ATP10B: variants seen among roughly 807,000 people sequenced by gnomAD.
The protein encoded by ATP10B is ATPase phospholipid transporting 10B (putative), also known as phospholipid-transporting ATPase VB.
A neutral mutation model predicts 141.2 loss-of-function variants in ATP10B; 122 were observed. The ratio of observed to expected loss-of-function variants is 0.86; its 90% confidence interval spans 0.75 to 1.00. The LOEUF (loss-of-function observed/expected upper bound fraction) is 1.00, where lower values mean the gene tolerates loss of function less well. Among genes scored for constraint, ATP10B ranks in the 50% least tolerant of loss-of-function variants. The pLI is 0.00. For synonymous variants in ATP10B, 685 were observed against 692.0 expected, an observed-to-expected ratio of 0.99 and a Z score of 0.16; for missense variants, 1,876 against 1,825.3, an observed-to-expected ratio of 1.03 and a Z score of -0.51.
chr5:160,728,192 C>T (rs559995033), intron 2 of ATP10B, among the ~76,000 whole-genome samples: 5 of 152,178 alleles, frequency 3.3e-5, no homozygotes, highest in Admixed American at 1.3e-4. Flanking sequence ...TAACCATTCA[C>T]CTTACTGCCT....
At chr5:160,697,059 A>G (rs1380057888) in intron 3 of ATP10B, among the ~76,000 whole-genome samples, 1 of 152,240 alleles carries the variant, frequency 6.6e-6, no homozygotes. Context: ...ATTAGAATAC[A>G]AAATGTCCTT....
intron 24 of ATP10B, among the ~76,000 whole-genome samples, chr5:160,586,345 G>A (rs1755896902): frequency 1.3e-5 from 2 of 152,122 alleles, no homozygotes; most frequent in Non-Finnish European, 2.9e-5. Context: ...TCTATAGTGT[G>A]TGTGTGTACC....
chr5:160,687,681 C>T, intron 5 of ATP10B, 119 bp downstream of exon 5: 1 of 1,211,352 alleles, frequency 8.3e-7, no homozygotes, highest in Non-Finnish European at 1.2e-6. Context: ...GGGAGATTCC[C>T]TTGAACCCAG....
In ATP10B at chr5:160,833,488, G is replaced by T. The variant is rs543435951; in HGVS notation, c.-576+18453C>A. ...GAAAGGGATATGCTCTTTTCAAGGA[G>T]TTAATATTTATTTCATCCTGTTTGA... is the stretch of plus-strand genomic sequence containing the variant. On this transcript the variant is annotated intron_variant, in intron 1 of 25. Coordinates refer to ENST00000327245, the MANE Select transcript of ATP10B (RefSeq NM_025153.3). Among the ~76,000 whole-genome samples, 25 of 152,216 alleles carry T rather than the reference G, an allele frequency of 1.6e-4. No homozygotes were observed. The South Asian group carries it at 5.2e-3, about 32-fold the overall frequency.
At chr5:160,733,669 A>ATGTAACGT (rs1766901226) in intron 2 of ATP10B, among the ~76,000 whole-genome samples, 3 of 32,960 alleles carry the variant, frequency 9.1e-5, no homozygotes, top group African/African-American at 6.7e-4. Context: ...GTAACGTTAT[A>ATGTAACGT]TATATATATA....
At chr5:160,659,068 C>T (rs576173411) in intron 7 of ATP10B, among the ~76,000 whole-genome samples, 3 of 152,194 alleles carry the variant, frequency 2.0e-5, no homozygotes, top group South Asian at 2.1e-4. Context: ...AATGTAAATA[C>T]GTTGTCTTGG....
intron 1 of ATP10B, among the ~76,000 whole-genome samples, chr5:160,791,342 C>T (rs1771553828): frequency 6.6e-6 from 1 of 152,110 alleles, no homozygotes; most frequent in Non-Finnish European, 1.5e-5. Context: ...GGTTGAATCT[C>T]TATTCATTGG....
chr5:160,611,199 G>A (rs913159634), intron 18 of ATP10B, among the ~76,000 whole-genome samples: 10 of 152,104 alleles, frequency 6.6e-5, no homozygotes, highest in East Asian at 1.9e-4. Flanking sequence ...AGAAAGATTC[G>A]TCATTGACTG....
intron 3 of ATP10B, among the ~76,000 whole-genome samples, chr5:160,698,338 C>T (rs987486024): frequency 2.0e-5 from 3 of 151,922 alleles, no homozygotes; most frequent in African/African-American, 7.2e-5. Flanking sequence ...TTTTCAAATC[C>T]ATTTTCTTCT....
At chr5:160,882,224 C>T in the ATP10B span, among the ~76,000 whole-genome samples, 2 of 151,998 alleles carry the variant, frequency 1.3e-5, no homozygotes, top group Admixed American at 6.5e-5. Flanking sequence ...AAGTACAATA[C>T]CAAGAGCAAA....
At chr5:160,842,257 G>C (rs1336924855) in intron 1 of ATP10B, among the ~76,000 whole-genome samples, 2 of 152,052 alleles carry the variant, frequency 1.3e-5, no homozygotes, top group African/African-American at 4.8e-5. Context: ...AATCAAAATG[G>C]AAGTTTCTAA....
intron 1 of ATP10B, among the ~76,000 whole-genome samples, chr5:160,787,208 A>T (rs903757801): frequency 6.6e-5 from 10 of 152,158 alleles, no homozygotes; most frequent in African/African-American, 2.4e-4. Context: ...AGATTTCAAG[A>T]TTCACATTAA....
intron 13 of ATP10B, among the ~76,000 whole-genome samples, chr5:160,631,762 TG>T (rs1488720190): frequency 6.6e-6 from 1 of 151,924 alleles, no homozygotes; most frequent in Non-Finnish European, 1.5e-5. Flanking sequence ...AGAAGGTGGG[TG>T]GGGGGCTGTG....
intron 2 of ATP10B, among the ~76,000 whole-genome samples, chr5:160,727,276 C>T (rs985049409): frequency 6.6e-6 from 1 of 152,222 alleles, no homozygotes; most frequent in African/African-American, 2.4e-5. Context: ...GCACCTCTAT[C>T]ATCATTTTCC....
intron 7 of ATP10B, among the ~76,000 whole-genome samples, chr5:160,656,063 A>G (rs1761473262): frequency 6.6e-6 from 1 of 152,146 alleles, no homozygotes; most frequent in Non-Finnish European, 1.5e-5. Context: ...AGAATAGGCC[A>G]TTTCCCTTGC....
At chr5:160,879,282 A>C in the ATP10B span, among the ~76,000 whole-genome samples, 1 of 65,798 alleles carries the variant, frequency 1.5e-5, no homozygotes, top group African/African-American at 5.5e-5. Flanking sequence ...AAACTATCGC[A>C]AGAACAAAAA....
At chr5:160,709,399 T>A (rs1419740587) in intron 3 of ATP10B, among the ~76,000 whole-genome samples, 1 of 151,952 alleles carries the variant, frequency 6.6e-6, no homozygotes. Context: ...CACGAACAGG[T>A]TATTCACAGA....
intron 2 of ATP10B, among the ~76,000 whole-genome samples, chr5:160,767,073 G>A (rs563238796): frequency 3.9e-5 from 6 of 151,950 alleles, no homozygotes; most frequent in Admixed American, 1.3e-4. Context: ...GAATTGTCTT[G>A]GGCCACACAC....
At chr5:160,788,596 GCTGTCAACTCC>G (rs893104301) in intron 1 of ATP10B, among the ~76,000 whole-genome samples, 65 of 152,102 alleles carry the variant, frequency 4.3e-4, no homozygotes, top group Admixed American at 3.9e-4. Flanking sequence ...CCAGAGGGTG[GCTGTCAACTCC>G]CTGCCTCTCT....
Sources: allele counts gnomAD v4.1 joint callset (sites outside exome capture counted in the v4.1 genomes callset), GRCh38; gene constraint gnomAD v4.1.1; transcripts MANE v1.5; gene names NCBI Gene and HGNC (gene_info 2026-07-23, HGNC 2026-07-21).